NKAIN2: variants seen among roughly 807,000 people sequenced by gnomAD.
The protein encoded by NKAIN2 is sodium/potassium-transporting ATPase subunit beta-1-interacting protein 2.
A neutral mutation model predicts 32.6 loss-of-function variants in NKAIN2; 14 were observed. The observed-to-expected ratio is 0.43, with a 90% CI of 0.28 to 0.67. The LOEUF (loss-of-function observed/expected upper bound fraction) is 0.67, where lower values mean the gene tolerates loss of function less well. Among genes scored for constraint, NKAIN2 ranks in the 30% least tolerant of loss-of-function variants. NKAIN2 has a pLI of 0.17. For synonymous variants in NKAIN2, 80 were observed against 87.2 expected (o/e 0.92, Z 0.46); for missense variants, 198 against 258.3 (o/e 0.77, Z 1.60).
chr6:123,962,382 T>A (rs1777886184), intron 1 of NKAIN2, among the ~76,000 whole-genome samples: 1 of 152,182 alleles, frequency 6.6e-6, no homozygotes, highest in Non-Finnish European at 1.5e-5. Flanking sequence ...ATTTCAAAGA[T>A]GGACACGATT....
intron 1 of NKAIN2, among the ~76,000 whole-genome samples, chr6:123,909,618 C>T (rs2114447849): frequency 6.6e-6 from 1 of 152,318 alleles, no homozygotes; most frequent in South Asian, 2.1e-4. Context: ...AACCCAGCTT[C>T]TCTTGGCCAG....
chr6:124,823,269 A>C lies in NKAIN2; in HGVS notation c.*40A>C, dbSNP rs753900111. 5 of 1,528,824 alleles carry C rather than the reference A, an allele frequency of 3.3e-6. No homozygotes were observed. In the East Asian group the frequency reaches 1.1e-4, roughly 34 times the overall value. The allele number at this position is 1,528,824 out of a possible 1,614,324, so 94.7% of individuals were successfully genotyped here. A position where few individuals can be genotyped will look rare whatever the true frequency, so the allele number is the denominator to read the frequency against. The stretch of plus-strand genomic sequence containing the variant: ...GTATGTCAGCCCATGGACCTTTCAA[A>C]GAACTTTTTTCGCAGTGGCCTCCTG... On this transcript the variant is annotated 3_prime_UTR_variant, in exon 7 of 7. Coordinates refer to ENST00000368417, the MANE Select transcript of NKAIN2 (RefSeq NM_001040214.3).
chr6:124,112,998 A>G (rs1469397527), intron 1 of NKAIN2, among the ~76,000 whole-genome samples: 3 of 151,974 alleles, frequency 2.0e-5, no homozygotes, highest in African/African-American at 7.2e-5. Context: ...ATTCATTGTC[A>G]GGTTAACCAT....
In NKAIN2 at chr6:123,999,269, T is replaced by C. The variant is rs17086454; in HGVS notation, c.54+195015T>C. On this transcript the variant is annotated intron_variant, in intron 1 of 6. Transcript: ENST00000368417. Reference sequence around the variant, plus strand: ...ATTCATGAAAATGAGATCCTGACATTATATTCTAAGGTGATGTTGTAGAAG... The same window carrying C: ...ATTCATGAAAATGAGATCCTGACATCATATTCTAAGGTGATGTTGTAGAAG... 6.7e-3 allele frequency among the ~76,000 whole-genome samples: 1,015 copies of C among 152,210 alleles called. 10 individuals carry two copies. Among genetic ancestry groups the C allele is most frequent in the African/African-American group, 0.024 (984 of 41,546 alleles).
chr6:124,633,993 T>C (rs576418796), intron 3 of NKAIN2, among the ~76,000 whole-genome samples: 1 of 152,048 alleles, frequency 6.6e-6, no homozygotes, highest in African/African-American at 2.4e-5. Context: ...CCACTAACAT[T>C]GATTACAGCC....
At chr6:124,520,261 T>C (rs1053843457) in intron 3 of NKAIN2, among the ~76,000 whole-genome samples, 3 of 152,154 alleles carry the variant, frequency 2.0e-5, no homozygotes, top group Non-Finnish European at 4.4e-5. Context: ...CTTCTTACTT[T>C]TGTTTGTTTT....
chr6:124,346,983 T>G (rs1562504070), intron 2 of NKAIN2, among the ~76,000 whole-genome samples: 1 of 152,340 alleles, frequency 6.6e-6, no homozygotes. Flanking sequence ...CGGTTGTGCC[T>G]TTCCATGTTT....
chr6:124,485,477 T>C (rs952441283), intron 3 of NKAIN2, among the ~76,000 whole-genome samples: 1 of 152,134 alleles, frequency 6.6e-6, no homozygotes, highest in African/African-American at 2.4e-5. Flanking sequence ...TGGGGATATA[T>C]ATGCATTATA....
intron 4 of NKAIN2, among the ~76,000 whole-genome samples, chr6:124,669,102 C>A (rs1772965483): frequency 6.6e-6 from 1 of 152,128 alleles, no homozygotes; most frequent in Non-Finnish European, 1.5e-5. Context: ...GTGCACATGA[C>A]AACTTATCAC....
chr6:124,256,895 T>TG (rs1346608802), intron 1 of NKAIN2, among the ~76,000 whole-genome samples: 2 of 147,576 alleles, frequency 1.4e-5, no homozygotes, highest in Non-Finnish European at 3.0e-5. Flanking sequence ...GTTTTTTTTT[T>TG]TTTTTTTTTT....
At chr6:124,046,857 T>C (rs1782161138) in intron 1 of NKAIN2, among the ~76,000 whole-genome samples, 1 of 151,954 alleles carries the variant, frequency 6.6e-6, no homozygotes, top group Non-Finnish European at 1.5e-5. Flanking sequence ...CAAAGAAATA[T>C]AACTTTTCTA....
chr6:124,748,526 C>T (rs887088005), intron 4 of NKAIN2, among the ~76,000 whole-genome samples: 1 of 151,946 alleles, frequency 6.6e-6, no homozygotes, highest in Non-Finnish European at 1.5e-5. Context: ...TTCTTTGTTT[C>T]CCTGTCTTCC....
intron 1 of NKAIN2, among the ~76,000 whole-genome samples, chr6:124,214,106 C>T (rs1032069368): frequency 6.6e-6 from 1 of 152,096 alleles, no homozygotes; most frequent in Non-Finnish European, 1.5e-5. Flanking sequence ...AACAATAAAT[C>T]AAGTTCTCAT....
intron 3 of NKAIN2, among the ~76,000 whole-genome samples, chr6:124,654,686 C>A (rs1280061633): frequency 6.6e-6 from 1 of 152,084 alleles, no homozygotes; most frequent in Non-Finnish European, 1.5e-5. Context: ...TAGGCCAATA[C>A]AACTGGAGGC....
intron 5 of NKAIN2, among the ~76,000 whole-genome samples, chr6:124,809,594 C>T (rs1480313076): frequency 6.6e-6 from 1 of 150,588 alleles, no homozygotes; most frequent in Admixed American, 6.7e-5. Context: ...ATGTCTAAAA[C>T]ACCAAAAGCA....
chr6:124,283,294 C>T (rs112892662), intron 2 of NKAIN2, 152 bp downstream of exon 2: 24 of 559,538 alleles, frequency 4.3e-5, no homozygotes, highest in African/African-American at 3.4e-4. Flanking sequence ...GTTTCAGATT[C>T]CATCAACAGT....
intron 3 of NKAIN2, chr6:124,437,800 A>G: frequency 2.8e-6 from 1 of 358,674 alleles, no homozygotes; most frequent in Non-Finnish European, 5.4e-6. Flanking sequence ...TGGGTTTTGA[A>G]GAATGAATAA....
chr6:123,921,437 G>A (rs1242969471), intron 1 of NKAIN2, among the ~76,000 whole-genome samples: 1 of 152,140 alleles, frequency 6.6e-6, no homozygotes, highest in African/African-American at 2.4e-5. Flanking sequence ...CAGTCATAGA[G>A]TAAATATTTA....
At chr6:124,693,193 T>TC in intron 4 of NKAIN2, among the ~76,000 whole-genome samples, 1 of 152,328 alleles carries the variant, frequency 6.6e-6, no homozygotes, top group Admixed American at 6.5e-5. Context: ...ACAATGTTGG[T>TC]CCCATAGATT....
Sources: gnomAD v4.1 joint callset for allele counts (sites outside exome capture counted in the v4.1 genomes callset) on GRCh38, gnomAD v4.1.1 for gene constraint, MANE v1.5 for transcripts, NCBI Gene and HGNC (gene_info 2026-07-23, HGNC 2026-07-21) for gene names.